Variants in RAPGEF1 observed in about 807,000 individuals in gnomAD.
RAPGEF1 encodes the protein CRK SH3-binding GNRP.
In RAPGEF1, 33 loss-of-function variants were observed where a neutral mutation model predicts 143.3. That is an observed-to-expected ratio of 0.23 (90% confidence interval 0.17 to 0.31). The LOEUF (loss-of-function observed/expected upper bound fraction) is 0.31. Among genes scored for constraint, RAPGEF1 ranks in the 10% least tolerant of loss-of-function variants. The probability of loss-of-function intolerance (pLI) is 1.00; values close to 1 mark genes in which losing one functional copy is unlikely to be tolerated. For missense variants in RAPGEF1, 1,199 were observed against 1,645.4 expected, an observed-to-expected ratio of 0.73 and a Z score of 4.69; for synonymous variants, 629 against 676.5, an observed-to-expected ratio of 0.93 and a Z score of 1.09.
intron 4 of RAPGEF1, 91 bp downstream of exon 4, chr9:131,643,148 C>A: frequency 7.1e-7 from 1 of 1,415,306 alleles, no homozygotes; most frequent in East Asian, 2.5e-5. Context: ...CTGACTGTTC[C>A]TAGGAACCTT....
At chr9:131,587,877 CTGA>C in intron 21 of RAPGEF1, 47 bp from the exon 22 acceptor site, 2 of 1,602,486 alleles carry the variant, frequency 1.2e-6, no homozygotes, top group Middle Eastern at 1.7e-4. Flanking sequence ...CGGCTTTCCC[CTGA>C]TGGGGGTTTC....
At chr9:131,698,985 T>A (rs1463349799) in intron 1 of RAPGEF1, among the ~76,000 whole-genome samples, 1 of 152,188 alleles carries the variant, frequency 6.6e-6, no homozygotes, top group Non-Finnish European at 1.5e-5. Context: ...TAATCAGGAC[T>A]TCTCTCTCGT....
At chr9:131,727,596 C>T (rs1836761894) in intron 1 of RAPGEF1, among the ~76,000 whole-genome samples, 1 of 152,162 alleles carries the variant, frequency 6.6e-6, no homozygotes, top group Non-Finnish European at 1.5e-5. Context: ...TCACACGCTC[C>T]CCATGACTTT....
chr9:131,711,582 T>G (rs1406881581), intron 1 of RAPGEF1, among the ~76,000 whole-genome samples: 1 of 152,150 alleles, frequency 6.6e-6, no homozygotes, highest in Non-Finnish European at 1.5e-5. Flanking sequence ...GGTCTCAAAC[T>G]CCTCACCTCA....
In RAPGEF1 at chr9:131,584,587, G is replaced by A; in HGVS notation, c.3243C>T (p.Ser1081=). 1 of 1,613,902 alleles carries A rather than the reference G, an allele frequency of 6.2e-7. No individual in the cohort carries two copies. The highest frequency in any genetic ancestry group is 8.5e-7 in the Non-Finnish European group (1 of 1,179,832). ...GGGCCTTTTCCTGTAACATGATTATGGACCGGACCCTGCATGGACCAAGGG... is the reference window on the plus strand; with the variant it reads ...GGGCCTTTTCCTGTAACATGATTATAGACCGGACCCTGCATGGACCAAGGG... ...HFNNMSYWVR[S]IIMLQEKAQD... is the part of the protein sequence containing the mutation. Residue 1081 remains serine, a synonymous_variant, in exon 23 of 27, where the codon TCC becomes TCT. Coordinates refer to ENST00000683357, the MANE Select transcript of RAPGEF1 (RefSeq NM_001377935.1). The surrounding 1 kb of genome is among the most constrained non-coding windows in gnomAD (Gnocchi z 6.8).
chr9:131,584,278 C>T lies in RAPGEF1; in HGVS notation c.3414+33G>A. On this transcript the variant is annotated intron_variant, in intron 24 of 26. Transcript: ENST00000683357. This position sits in a 1 kb window ranked among gnomAD's most constrained non-coding sequence, Gnocchi z 6.8. ...AGGGCTGGGCGGCCCCCCTTACCAGCCACCCTCCCGCCCACGCCCCAAGGC... is the reference window on the plus strand; with the variant it reads ...AGGGCTGGGCGGCCCCCCTTACCAGTCACCCTCCCGCCCACGCCCCAAGGC... The T allele has an allele frequency of 3.2e-6, 5 of 1,563,178 alleles. No homozygotes were observed. The highest frequency in any genetic ancestry group is 2.3e-5 in the South Asian group (2 of 86,832).
At chr9:131,726,658 G>C (rs1836694093) in intron 1 of RAPGEF1, among the ~76,000 whole-genome samples, 1 of 151,890 alleles carries the variant, frequency 6.6e-6, no homozygotes, top group African/African-American at 2.4e-5. Flanking sequence ...GCAGATCCAT[G>C]CTGCCAGGGT....
chr9:131,677,992 C>T (rs1310818699), intron 1 of RAPGEF1, among the ~76,000 whole-genome samples: 1 of 152,228 alleles, frequency 6.6e-6, no homozygotes, highest in Non-Finnish European at 1.5e-5. Context: ...CTTGTCTGCA[C>T]TAGTTAAAAC....
intron 12 of RAPGEF1, among the ~76,000 whole-genome samples, chr9:131,611,723 A>T (rs1958040302): frequency 6.6e-6 from 1 of 152,244 alleles, no homozygotes; most frequent in Non-Finnish European, 1.5e-5. Context: ...ACTTATTCTT[A>T]GAACTCTATT....
At chr9:131,586,248 T>G (rs1444830461) in intron 22 of RAPGEF1, among the ~76,000 whole-genome samples, 1 of 100,232 alleles carries the variant, frequency 1.0e-5, no homozygotes, top group Non-Finnish European at 1.9e-5. Flanking sequence ...AGAGCAAGAC[T>G]CTGTCTCAAA....
intron 15 of RAPGEF1, among the ~76,000 whole-genome samples, chr9:131,601,575 G>A (rs1956283548): frequency 1.3e-5 from 2 of 152,174 alleles, no homozygotes; most frequent in African/African-American, 4.8e-5. Flanking sequence ...CTTTTCAACA[G>A]TTTCTATCCT....
rs796235958 is a variant in RAPGEF1, at chr9:131,583,093, C to T, written c.3415-391G>A. On this transcript the variant is annotated intron_variant, in intron 24 of 26. Coordinates refer to ENST00000683357, the MANE Select transcript of RAPGEF1 (RefSeq NM_001377935.1). This position sits in a 1 kb window ranked among gnomAD's most constrained non-coding sequence, Gnocchi z 4.7. ...ACACTGAGTGGCGTCACTCCTGACT[C>T]GGAGCTGCCTTTGCTCTGCCCTGTA... Among the ~76,000 whole-genome samples the T allele has an allele frequency of 9.2e-5, 14 of 152,310 alleles. No homozygotes were observed. Among genetic ancestry groups the T allele is most frequent in the African/African-American group, 1.7e-4 (7 of 41,566 alleles).
rs777015030 is a variant in RAPGEF1 at position 131,627,987 on chromosome 9, T to A, written c.1127A>T (p.Lys376Met). Residue 376 changes from lysine to methionine, a missense_variant, in exon 9 of 27, where the codon AAG (lysine) becomes ATG (methionine). By Grantham distance (95) the Lys-to-Met change is moderately conservative. Transcript: ENST00000683357. Reference protein sequence around the residue: ...SPCSSIGKLSKSDEQLSSLDR... With the variant: ...SPCSSIGKLSMSDEQLSSLDR... Reference sequence around the variant, plus strand: ...CAGAGAGGACAGCTGCTCGTCTGACTTGCTGAGCTTGCCTATGCTGCTGCA... The same window carrying A: ...CAGAGAGGACAGCTGCTCGTCTGACATGCTGAGCTTGCCTATGCTGCTGCA... The A allele has an allele frequency of 6.3e-7, 1 of 1,593,276 alleles. No homozygotes were observed. The highest frequency in any genetic ancestry group is 1.3e-5 in the African/African-American group (1 of 74,544).
intron 1 of RAPGEF1, among the ~76,000 whole-genome samples, chr9:131,722,183 GA>G: frequency 6.6e-6 from 1 of 152,312 alleles, no homozygotes; most frequent in South Asian, 2.1e-4. Context: ...CGTGGGAACA[GA>G]GACCCTATCG....
intron 5 of RAPGEF1, among the ~76,000 whole-genome samples, chr9:131,633,536 T>C (rs1174625260): frequency 6.6e-6 from 1 of 152,246 alleles, no homozygotes; most frequent in African/African-American, 2.4e-5. Context: ...TGAGCAATTA[T>C]AATTAGATCG....
rs764490276 is a variant in RAPGEF1 at position 131,629,297 on chromosome 9, C to T, written c.741-43G>A. On this transcript the variant is annotated intron_variant, in intron 6 of 26. Transcript: ENST00000683357. The stretch of plus-strand genomic sequence containing the variant: ...ACTTGGGGTTACAGAAGGTCAAAGG[C>T]GGGACAGAGCACACACAGGCCCTGA... 28 of 1,578,098 alleles carry T rather than the reference C, an allele frequency of 1.8e-5. 1 individual carries two copies. The South Asian group carries it at 2.3e-4, about 13-fold the overall frequency.
At chr9:131,661,019 T>C (rs1009635378) in intron 1 of RAPGEF1, among the ~76,000 whole-genome samples, 6 of 152,102 alleles carry the variant, frequency 3.9e-5, no homozygotes, top group Admixed American at 2.6e-4. Flanking sequence ...CATGCCTGAA[T>C]AGATAAAAAG....
chr9:131,605,312 C>T (rs771561115), intron 12 of RAPGEF1, 124 bp from the exon 13 acceptor site: 10 of 900,886 alleles, frequency 1.1e-5, no homozygotes, highest in Non-Finnish European at 1.5e-5. Flanking sequence ...AACGGGCCAC[C>T]AATCACGCCA....
chr9:131,600,475 C>T (rs1358260706), intron 15 of RAPGEF1, among the ~76,000 whole-genome samples: 2 of 152,212 alleles, frequency 1.3e-5, no homozygotes, highest in Non-Finnish European at 2.9e-5. Flanking sequence ...GTCAGAGAGA[C>T]AAGTCAGAGA....
Sources: allele counts gnomAD v4.1 joint callset (sites outside exome capture counted in the v4.1 genomes callset), GRCh38; gene constraint gnomAD v4.1.1; non-coding constraint Gnocchi (gnomAD v3.1); transcripts MANE v1.5; gene names NCBI Gene and HGNC (gene_info 2026-07-23, HGNC 2026-07-21).